Variants in CCDC141 observed in about 807,000 individuals in gnomAD.
The protein encoded by CCDC141 is coiled-coil domain containing 141.
CCDC141 carries 168 observed loss-of-function variants against 181.0 expected under a neutral mutation model. The ratio of observed to expected loss-of-function variants is 0.93; its 90% CI spans 0.82 to 1.05. The LOEUF is 1.05. Ranked by LOEUF, CCDC141 falls within the 50% of genes least tolerant of loss-of-function variation. CCDC141 has a pLI of 0.00. For missense variants in CCDC141, 1,902 were observed against 1,788.5 expected, an observed-to-expected ratio of 1.06 and a Z score of -1.14; for synonymous variants, 666 against 642.3, an observed-to-expected ratio of 1.04 and a Z score of -0.56.
At chr2:178,988,902 G>T (rs1012561962) in intron 2 of CCDC141, among the ~76,000 whole-genome samples, 3 of 152,070 alleles carry the variant, frequency 2.0e-5, no homozygotes, top group Admixed American at 6.5e-5. Flanking sequence ...ATTCAATTAG[G>T]AAAGAATAGT....
In CCDC141 at chr2:178,831,559, C is replaced by T. The variant is rs1575106827; in HGVS notation, c.*2614G>A. 6.6e-6 allele frequency: 1 copy of T among 152,072 alleles called. No homozygotes were observed. Among genetic ancestry groups the T allele is most frequent in the South Asian group, 2.1e-4 (1 of 4,826 alleles). The allele number at this position is 152,072 out of a possible 1,614,324, so 9.4% of individuals were successfully genotyped here. ...TAAATGGTTATAAATTATGTATATACCTTAAAATAGAAACAACACTTAAAT... is the reference window on the plus strand; with the variant it reads ...TAAATGGTTATAAATTATGTATATATCTTAAAATAGAAACAACACTTAAAT... On this transcript the variant is annotated 3_prime_UTR_variant, in exon 24 of 24. Coordinates refer to ENST00000443758, the MANE Select transcript of CCDC141 (RefSeq NM_173648.4).
intron 12 of CCDC141, chr2:178,875,782 G>C (rs898804311): frequency 6.6e-6 from 1 of 152,122 alleles, no homozygotes; most frequent in Non-Finnish European, 1.5e-5. Context: ...AATGAAGTTA[G>C]TAATAAAAAG....
At chr2:179,036,580 G>T (rs1184125406) in intron 2 of CCDC141, among the ~76,000 whole-genome samples, 1 of 152,172 alleles carries the variant, frequency 6.6e-6, no homozygotes, top group Admixed American at 6.5e-5. Flanking sequence ...AGCGAGGCAG[G>T]GAAAGTCACC....
chr2:178,957,742 T>A (rs1443602784), intron 5 of CCDC141, among the ~76,000 whole-genome samples: 1 of 152,328 alleles, frequency 6.6e-6, no homozygotes, highest in Admixed American at 6.5e-5. Context: ...TTATGTTTTT[T>A]GAGACAGAGT....
intron 6 of CCDC141, among the ~76,000 whole-genome samples, chr2:178,934,311 A>G (rs1279263584): frequency 2.6e-5 from 4 of 152,188 alleles, no homozygotes; most frequent in Admixed American, 1.3e-4. Flanking sequence ...CTCAAAAAAA[A>G]TAATTAGCAA....
intron 7 of CCDC141, among the ~76,000 whole-genome samples, chr2:178,914,568 G>A (rs1034229092): frequency 6.6e-6 from 1 of 152,144 alleles, no homozygotes; most frequent in Non-Finnish European, 1.5e-5. Context: ...CAGAATTAAA[G>A]GTAATCAATT....
At chr2:179,046,755 C>G (rs976632292) in intron 2 of CCDC141, among the ~76,000 whole-genome samples, 4 of 152,182 alleles carry the variant, frequency 2.6e-5, no homozygotes, top group Admixed American at 2.6e-4. Flanking sequence ...AACCTCAAAC[C>G]AATGTTACTT....
At chr2:178,982,572 G>A (rs1315006796) in intron 2 of CCDC141, among the ~76,000 whole-genome samples, 1 of 152,204 alleles carries the variant, frequency 6.6e-6, no homozygotes, top group East Asian at 1.9e-4. Flanking sequence ...TCTCACTAGG[G>A]AGTGCCAGAC....
intron 2 of CCDC141, among the ~76,000 whole-genome samples, chr2:179,003,769 T>C (rs75766230): frequency 6.6e-5 from 10 of 152,180 alleles, no homozygotes; most frequent in Non-Finnish European, 1.0e-4. Context: ...TCAGAAATGA[T>C]GAAAGTTCAA....
chr2:178,860,541 C>T (rs1575139643), intron 17 of CCDC141, among the ~76,000 whole-genome samples: 1 of 66,492 alleles, frequency 1.5e-5, no homozygotes, highest in African/African-American at 5.6e-5. Flanking sequence ...AAAAAAACAA[C>T]ACTTTTTTTT....
chr2:178,934,560 T>C (rs954307546), intron 6 of CCDC141, among the ~76,000 whole-genome samples: 1 of 152,058 alleles, frequency 6.6e-6, no homozygotes, highest in African/African-American at 2.4e-5. Context: ...TTACCCAGAG[T>C]CAAAGGTCGT....
chr2:178,973,094 A>G (rs1334851567), intron 4 of CCDC141, among the ~76,000 whole-genome samples: 1 of 152,208 alleles, frequency 6.6e-6, no homozygotes, highest in Non-Finnish European at 1.5e-5. Context: ...AAGGTAATAG[A>G]TATGAAGCAC....
the CCDC141 span, among the ~76,000 whole-genome samples, chr2:178,815,662 A>G: frequency 6.6e-6 from 1 of 152,160 alleles, no homozygotes; most frequent in Non-Finnish European, 1.5e-5. Context: ...ATAAAATAGC[A>G]TAGTATTTGC....
chr2:178,906,857 G>A (rs1358622370), intron 7 of CCDC141, among the ~76,000 whole-genome samples: 1 of 152,204 alleles, frequency 6.6e-6, no homozygotes, highest in Non-Finnish European at 1.5e-5. Context: ...CTATGGTCAT[G>A]GAGGTACACA....
At chr2:178,972,572 T>A (rs1314157642) in intron 4 of CCDC141, among the ~76,000 whole-genome samples, 2 of 152,192 alleles carry the variant, frequency 1.3e-5, no homozygotes, top group Non-Finnish European at 2.9e-5. Flanking sequence ...CCCTGACACA[T>A]GGCCCTGGAT....
Position 178,865,781 on chromosome 2 carries a change from C to A in CCDC141, c.2710G>T (p.Asp904Tyr). The A allele has an allele frequency of 6.5e-7, 1 of 1,545,822 alleles. No individual in the cohort carries two copies. Among genetic ancestry groups the A allele is most frequent in the Non-Finnish European group, 8.7e-7 (1 of 1,147,930 alleles). ...CCCACACCCACCTCATTTATCTCGT[C>A]TCTCATGGCGCAGTACTCCACACTA... ...SRSVEYCAMRDEINELKDSFK... is the reference protein window; with the variant it reads ...SRSVEYCAMRYEINELKDSFK... The change falls in exon 17 of 24, where the codon GAC becomes TAC. Residue 904 changes from aspartate to tyrosine, a missense_variant. By Grantham distance (160) the Asp-to-Tyr change is radical. Transcript: ENST00000443758.
chr2:178,885,113 A>G, intron 10 of CCDC141, 21 bp from the exon 11 acceptor site: 2 of 1,523,334 alleles, frequency 1.3e-6, no homozygotes, highest in Non-Finnish European at 1.8e-6. Flanking sequence ...AAAGCACTGG[A>G]GGTCAGAAAC....
At chr2:178,979,655 A>G (rs558924940) in intron 2 of CCDC141, among the ~76,000 whole-genome samples, 39 of 152,340 alleles carry the variant, frequency 2.6e-4, no homozygotes, top group African/African-American at 9.1e-4. Context: ...GCAAAGACAG[A>G]CAAGAGAAAG....
chr2:178,921,551 C>T (rs1281779828), intron 6 of CCDC141, among the ~76,000 whole-genome samples: 4 of 150,862 alleles, frequency 2.7e-5, no homozygotes, highest in Non-Finnish European at 5.9e-5. Context: ...TTGTGGTTTT[C>T]GTTTGTTTTT....
Sources: gnomAD v4.1 joint callset for allele counts (sites outside exome capture counted in the v4.1 genomes callset) on GRCh38, gnomAD v4.1.1 for gene constraint, MANE v1.5 for transcripts, NCBI Gene and HGNC (gene_info 2026-07-23, HGNC 2026-07-21) for gene names.